Variants in SMARCC1 observed in about 807,000 individuals in gnomAD.
SMARCC1 encodes SWI/SNF related BAF chromatin remodeling complex subunit C1.
A neutral mutation model predicts 147.4 loss-of-function variants in SMARCC1; 43 were observed. The ratio of observed to expected loss-of-function variants is 0.29; its 90% confidence interval spans 0.23 to 0.38. The LOEUF is 0.38. Among genes scored for constraint, SMARCC1 ranks in the 10% least tolerant of loss-of-function variants. SMARCC1 has a pLI of 1.00. For synonymous variants in SMARCC1, 495 were observed against 484.4 expected (o/e 1.02, Z -0.29); for missense variants, 1,119 against 1,381.1 (o/e 0.81, Z 3.01).
chr3:47,600,457 TG>T (rs930630396), intron 26 of SMARCC1, among the ~76,000 whole-genome samples: 4 of 152,186 alleles, frequency 2.6e-5, no homozygotes, highest in African/African-American at 9.7e-5. Context: ...GTTATCTCTC[TG>T]AAGTCTCCAG....
intron 2 of SMARCC1, among the ~76,000 whole-genome samples, chr3:47,771,950 C>T (rs540750958): frequency 6.3e-4 from 96 of 151,878 alleles, no homozygotes; most frequent in African/African-American, 8.7e-4. Context: ...GGTGTGGTGG[C>T]GCGCACCTGT....
At chr3:47,774,309 T>TA (rs1465974417) in intron 1 of SMARCC1, among the ~76,000 whole-genome samples, 1 of 150,378 alleles carries the variant, frequency 6.6e-6, no homozygotes, top group African/African-American at 2.4e-5. Flanking sequence ...CCGTCTCCAC[T>TA]AAAAAACAAA....
At chr3:47,622,928 G>C (rs2032755514) in intron 24 of SMARCC1, among the ~76,000 whole-genome samples, 1 of 152,082 alleles carries the variant, frequency 6.6e-6, no homozygotes, top group Admixed American at 6.5e-5. Context: ...AAGACTGATG[G>C]TGAATGCTTC....
At chr3:47,620,176 T>A (rs2032706435) in intron 25 of SMARCC1, among the ~76,000 whole-genome samples, 1 of 152,206 alleles carries the variant, frequency 6.6e-6, no homozygotes, top group South Asian at 2.1e-4. Context: ...CAAAAATTTA[T>A]TTTTGGCCAG....
chr3:47,595,450 C>A (rs188352579), intron 26 of SMARCC1, among the ~76,000 whole-genome samples: 1 of 151,814 alleles, frequency 6.6e-6, no homozygotes, highest in Non-Finnish European at 1.5e-5. Context: ...TCGCTTGAAC[C>A]GGAGAGGTGG....
At chr3:47,666,168 A>G (rs2033417645) in intron 19 of SMARCC1, among the ~76,000 whole-genome samples, 1 of 152,146 alleles carries the variant, frequency 6.6e-6, no homozygotes, top group Non-Finnish European at 1.5e-5. Flanking sequence ...CCACTGATCT[A>G]TTCCTACTAG....
intron 9 of SMARCC1, among the ~76,000 whole-genome samples, chr3:47,709,688 A>T (rs1559651065): frequency 1.3e-4 from 20 of 152,122 alleles, no homozygotes; most frequent in Admixed American, 1.3e-4. Flanking sequence ...TCTGTCTCAA[A>T]AAATAAATAA....
intron 9 of SMARCC1, among the ~76,000 whole-genome samples, chr3:47,709,100 A>C (rs778088977): frequency 6.6e-6 from 1 of 152,102 alleles, no homozygotes; most frequent in Non-Finnish European, 1.5e-5. Context: ...ATCTCTACTG[A>C]AAATAAAAAA....
At chr3:47,751,316 G>A (rs1306182931) in intron 2 of SMARCC1, among the ~76,000 whole-genome samples, 1 of 152,094 alleles carries the variant, frequency 6.6e-6, no homozygotes, top group African/African-American at 2.4e-5. Context: ...GCCAAGGCAG[G>A]CTGATCACGA....
chr3:47,752,046 T>C (rs2034635726), intron 2 of SMARCC1, among the ~76,000 whole-genome samples: 1 of 152,160 alleles, frequency 6.6e-6, no homozygotes, highest in African/African-American at 2.4e-5. Context: ...ATTGCGCCAC[T>C]GTACTCCAGC....
chr3:47,753,427 AAGT>A (rs918395318), intron 2 of SMARCC1, among the ~76,000 whole-genome samples: 3 of 151,576 alleles, frequency 2.0e-5, no homozygotes, highest in African/African-American at 7.3e-5. Context: ...ATAAAAGACA[AAGT>A]AGGCCGGGTG....
At chr3:47,744,868 A>G (rs912240092) in intron 3 of SMARCC1, among the ~76,000 whole-genome samples, 1 of 152,214 alleles carries the variant, frequency 6.6e-6, no homozygotes, top group Non-Finnish European at 1.5e-5. Flanking sequence ...GGGATTCTCA[A>G]TCTATCTACA....
At chr3:47,729,224 C>T (rs1252926374) in intron 5 of SMARCC1, 130 bp from the exon 6 acceptor site, 1 of 602,954 alleles carries the variant, frequency 1.7e-6, no homozygotes, top group Non-Finnish European at 2.8e-6. Flanking sequence ...AAAAGACTTG[C>T]TTCTTTTTAG....
chr3:47,633,189 A>C (rs2032915481), intron 24 of SMARCC1, among the ~76,000 whole-genome samples: 1 of 152,236 alleles, frequency 6.6e-6, no homozygotes, highest in African/African-American at 2.4e-5. Flanking sequence ...AGTTATACTT[A>C]AGAACAAGTT....
intron 26 of SMARCC1, among the ~76,000 whole-genome samples, chr3:47,598,588 G>T (rs2032335972): frequency 6.6e-6 from 1 of 152,000 alleles, no homozygotes; most frequent in Admixed American, 6.6e-5. Flanking sequence ...CCAGTACTTT[G>T]GGAGGCTGAG....
intron 11 of SMARCC1, among the ~76,000 whole-genome samples, chr3:47,700,330 C>T (rs2033901099): frequency 6.6e-6 from 1 of 152,122 alleles, no homozygotes; most frequent in Non-Finnish European, 1.5e-5. Context: ...CTCTTATTTA[C>T]AAGCTGCTCC....
chr3:47,776,836 G>A (rs1031336872), intron 1 of SMARCC1, among the ~76,000 whole-genome samples: 7 of 151,516 alleles, frequency 4.6e-5, no homozygotes, highest in East Asian at 1.9e-4. Context: ...GTAAAATGGC[G>A]CGATCTCAGC....
rs1318174202 is a variant in SMARCC1 at position 47,736,145 on chromosome 3, GACTTTC to G, written c.484-25_484-20del. The stretch of plus-strand genomic sequence containing the variant: ...AATTGTTCTGAGGATGAAAAGAACA[GACTTTC>G]AAATTCTCTTAGTTTTGAAATAATA... On this transcript the variant is annotated intron_variant, in intron 4 of 27. Transcript: ENST00000254480. The G allele has an allele frequency of 7.4e-7, 1 of 1,346,860 alleles. No homozygotes were observed. Among genetic ancestry groups the G allele is most frequent in the East Asian group, 2.3e-5 (1 of 42,972 alleles). The allele number at this position is 1,346,860 out of a possible 1,614,324, so 83.4% of individuals were successfully genotyped here.
chr3:47,604,042 G>A (rs1367090873), intron 26 of SMARCC1: 1 of 456,674 alleles, frequency 2.2e-6, no homozygotes, highest in Admixed American at 2.3e-5. Context: ...CAAAGGTAGG[G>A]GACAGGGCAG....
Sources: allele counts gnomAD v4.1 joint callset (sites outside exome capture counted in the v4.1 genomes callset), GRCh38; gene constraint gnomAD v4.1.1; transcripts MANE v1.5; gene names NCBI Gene and HGNC (gene_info 2026-07-23, HGNC 2026-07-21).